The following PRR27 variants were observed in gnomAD, a reference collection of about 807,000 sequenced individuals.
PRR27 encodes the protein proline rich 27.
PRR27 carries 12 observed loss-of-function variants against 16.8 expected under a neutral mutation model. That is an observed-to-expected ratio of 0.71 (90% CI 0.46 to 1.16). The LOEUF (loss-of-function observed/expected upper bound fraction) is 1.16. Ranked by LOEUF, PRR27 falls within the 50% of genes most tolerant of loss-of-function variation. The probability of loss-of-function intolerance (pLI) is 0.00; values close to 1 mark genes in which losing one functional copy is unlikely to be tolerated. For missense variants in PRR27, 277 were observed against 273.3 expected, an observed-to-expected ratio of 1.01 and a Z score of -0.10; for synonymous variants, 100 against 98.4, an observed-to-expected ratio of 1.02 and a Z score of -0.10.
At chr4:70,156,770 T>C (rs1360694267) in intron 2 of PRR27, among the ~76,000 whole-genome samples, 1 of 152,242 alleles carries the variant, frequency 6.6e-6, no homozygotes, top group Non-Finnish European at 1.5e-5. Flanking sequence ...TAATCTGTGA[T>C]GTGCACACTT....
chr4:70,156,098 C>A, intron 2 of PRR27, 21 bp downstream of exon 2: 1 of 1,328,762 alleles, frequency 7.5e-7, no homozygotes, highest in South Asian at 1.5e-5. Flanking sequence ...TTTTTCTTTA[C>A]ACGCAAGTAT....
intron 4 of PRR27, among the ~76,000 whole-genome samples, chr4:70,161,911 G>GT (rs1728657596): frequency 6.6e-6 from 1 of 152,124 alleles, no homozygotes; most frequent in Admixed American, 6.6e-5. Flanking sequence ...GTTAATATAG[G>GT]TAAAAACCTT....
At position 70,164,512 on chromosome 4, in the gene PRR27, G is replaced by A. The variant is rs932183925; in HGVS notation, c.*1851G>A. ...GAGATGTTTGCTTCCATCTTCTAGA[G>A]CCAAGTAGGATCTAACTTTAATTTG... is the stretch of plus-strand genomic sequence containing the variant. On this transcript the variant is annotated 3_prime_UTR_variant, in exon 5 of 5. Transcript: ENST00000344526. 3.3e-5 allele frequency: 5 copies of A among 152,096 alleles called. No homozygotes were observed. Among genetic ancestry groups the A allele is most frequent in the African/African-American group, 4.8e-5 (2 of 41,406 alleles). The allele number at this position is 152,096 out of a possible 1,614,324, so 9.4% of individuals were successfully genotyped here.
At position 70,163,721 on chromosome 4, in the gene PRR27, A is replaced by G. The variant is rs75355256; in HGVS notation, c.*1060A>G. ...ACAATCAGATGTTAAACCAAACATT[A>G]TTCAGATAAGATCTCTGAAAAGCCT... On this transcript the variant is annotated 3_prime_UTR_variant, in exon 5 of 5. Coordinates refer to ENST00000344526, the MANE Select transcript of PRR27 (RefSeq NM_214711.4). The G allele has an allele frequency of 6.6e-6, 1 of 152,278 alleles. No homozygotes were observed. The highest frequency in any genetic ancestry group is 6.5e-5 in the Admixed American group (1 of 15,282). 9.4% of individuals were successfully genotyped at this position (152,278 alleles called of 1,614,324 possible). A position where few individuals can be genotyped will look rare whatever the true frequency, so the allele number is the denominator to read the frequency against.
At chr4:70,160,162 C>T (rs1303020900) in intron 3 of PRR27, among the ~76,000 whole-genome samples, 1 of 151,958 alleles carries the variant, frequency 6.6e-6, no homozygotes, top group African/African-American at 2.4e-5. Flanking sequence ...AGCACACTAC[C>T]CAAGAGGTAG....
intron 4 of PRR27, among the ~76,000 whole-genome samples, chr4:70,162,105 A>G (rs914445347): frequency 6.6e-6 from 1 of 152,176 alleles, no homozygotes; most frequent in African/African-American, 2.4e-5. Context: ...AAAGGCACAA[A>G]CAAACAGCTC....
intron 2 of PRR27, among the ~76,000 whole-genome samples, 166 bp from the exon 3 acceptor site, chr4:70,158,162 T>TTAC (rs1728534175): frequency 6.6e-6 from 1 of 152,190 alleles, no homozygotes; most frequent in African/African-American, 2.4e-5. Flanking sequence ...TAAGAGATTA[T>TTAC]TACTTCTTAC....
Position 70,160,435 on chromosome 4 carries a change from C to CTGTGTGTGTGTGTG in PRR27, c.649-1150_649-1149insGTGTGTGTGTGTGT, listed in dbSNP as rs1182486828. On this transcript the variant is annotated intron_variant, in intron 3 of 4. Coordinates refer to ENST00000344526, the MANE Select transcript of PRR27 (RefSeq NM_214711.4). ...TCTCTCTCTCTCTCTCTCTCTCTCT[C>CTGTGTGTGTGTGTG]TCTCTCTCTGTGTGTGTGTGTGTGT... 8.1e-4 allele frequency among the ~76,000 whole-genome samples: 26 copies of CTGTGTGTGTGTGTG among 32,088 alleles called. No homozygotes were observed. The South Asian group carries it at 0.021, about 27-fold the overall frequency. 21.1% of individuals were successfully genotyped at this position (32,088 alleles called of 152,430 possible).
intron 3 of PRR27, among the ~76,000 whole-genome samples, chr4:70,160,793 T>C (rs1168953514): frequency 1.3e-5 from 2 of 151,734 alleles, no homozygotes; most frequent in African/African-American, 4.8e-5. Flanking sequence ...TTAGTAGATA[T>C]GACCCAAGGA....
In PRR27 at chr4:70,160,443, C is replaced by CTCTCTGTGTG. The variant is rs1298386504; in HGVS notation, c.649-1142_649-1141insCTCTGTGTGT. On this transcript the variant is annotated intron_variant, in intron 3 of 4. Coordinates refer to ENST00000344526, the MANE Select transcript of PRR27 (RefSeq NM_214711.4). The stretch of plus-strand genomic sequence containing the variant: ...TCTCTCTCTCTCTCTCTCTCTCTCT[C>CTCTCTGTGTG]TGTGTGTGTGTGTGTGTGTGTGTGT... Among the ~76,000 whole-genome samples the CTCTCTGTGTG allele has an allele frequency of 9.9e-3, 677 of 68,690 alleles. 5 individuals carry two copies. Among genetic ancestry groups the CTCTCTGTGTG allele is most frequent in the Middle Eastern group, 0.028 (2 of 72 alleles). The allele number at this position is 68,690 out of a possible 152,430, so 45.1% of individuals were successfully genotyped here.
At position 70,166,137 on chromosome 4, in the gene PRR27, T is replaced by C. The variant is rs1169618548; in HGVS notation, c.*3476T>C. 2 of 152,134 alleles carry C rather than the reference T, an allele frequency of 1.3e-5. No individual in the cohort carries two copies. Among genetic ancestry groups the C allele is most frequent in the African/African-American group, 4.8e-5 (2 of 41,452 alleles). The allele number at this position is 152,134 out of a possible 1,614,324, so 9.4% of individuals were successfully genotyped here. ...CTCAACATTTATATTTCTGAGACTT[T>C]TCACATTTTTGAATGTATTCATAGT... On this transcript the variant is annotated 3_prime_UTR_variant, in exon 5 of 5. Coordinates refer to ENST00000344526, the MANE Select transcript of PRR27 (RefSeq NM_214711.4).
intron 1 of PRR27, among the ~76,000 whole-genome samples, chr4:70,155,722 A>G (rs1298631426): frequency 1.3e-5 from 2 of 151,800 alleles, no homozygotes; most frequent in African/African-American, 4.9e-5. Flanking sequence ...CACACCAGAC[A>G]AAACCTGGGA....
chr4:70,154,817 A>C, intron 1 of PRR27: 1 of 1,255,490 alleles, frequency 8.0e-7, no homozygotes, highest in South Asian at 1.2e-5. Flanking sequence ...CATTAGGGAT[A>C]CTTGATGGAA....
Position 70,161,572 on chromosome 4 carries a change from T to G in PRR27, c.649-14T>G. 6.7e-7 allele frequency: 1 copy of G among 1,502,536 alleles called. No homozygotes were observed. The allele number at this position is 1,502,536 out of a possible 1,614,324, so 93.1% of individuals were successfully genotyped here. A position where few individuals can be genotyped will look rare whatever the true frequency, so the allele number is the denominator to read the frequency against. On this transcript the variant is annotated splice_polypyrimidine_tract_variant and intron_variant, in intron 3 of 4. Transcript: ENST00000344526. ...GATTGTTTATGAAAAGATCTTTTTT[T>G]TAATGTTTTCTAGGCAAATCAGTGA...
chr4:70,163,653 C>T lies in PRR27; in HGVS notation c.*992C>T, dbSNP rs554905341. 1 of 152,322 alleles carries T rather than the reference C, an allele frequency of 6.6e-6. No homozygotes were observed. Among genetic ancestry groups the T allele is most frequent in the South Asian group, 2.1e-4 (1 of 4,826 alleles). The allele number at this position is 152,322 out of a possible 1,614,324, so 9.4% of individuals were successfully genotyped here. ...CAGTCTACCTGCTTCCACTTTTCCT[C>T]CACCCTGATCACATACACACATGCA... On this transcript the variant is annotated 3_prime_UTR_variant, in exon 5 of 5. Transcript: ENST00000344526.
chr4:70,160,409 TTCTCTCTCTC>T (rs149182032), intron 3 of PRR27, among the ~76,000 whole-genome samples: 2 of 106,100 alleles, frequency 1.9e-5, no homozygotes, highest in African/African-American at 3.8e-5. Context: ...TTCTGGGACT[TTCTCTCTCTC>T]TCTCTCTCTC....
chr4:70,154,444 C>T lies in PRR27; in HGVS notation c.51+18C>T. 2 of 1,592,566 alleles carry T rather than the reference C, an allele frequency of 1.3e-6. No homozygotes were observed. Among genetic ancestry groups the T allele is most frequent in the Non-Finnish European group, 1.7e-6 (2 of 1,160,822 alleles). On this transcript the variant is annotated intron_variant, in intron 1 of 4. Coordinates refer to ENST00000344526, the MANE Select transcript of PRR27 (RefSeq NM_214711.4). ...CAAGGAAGGTAAGTAAATGGACTTC[C>T]AAAATTGTAACAATTGTATAACCAT...
chr4:70,154,463 T>G, intron 1 of PRR27, 37 bp downstream of exon 1: 8 of 1,504,568 alleles, frequency 5.3e-6, no homozygotes, highest in Non-Finnish European at 7.4e-6. Flanking sequence ...AACAATTGTA[T>G]AACCATTTGC....
At position 70,160,186 on chromosome 4, in the gene PRR27, C is replaced by G. The variant is rs76803430; in HGVS notation, c.648+1286C>G. ...CCCAAGAGGTAGTTTTATAACCCAG[C>G]CCTAACCACCACCTTCTAGTAGGCC... On this transcript the variant is annotated intron_variant, in intron 3 of 4. Transcript: ENST00000344526. Among the ~76,000 whole-genome samples, 135 of 152,204 alleles carry G rather than the reference C, an allele frequency of 8.9e-4. No homozygotes were observed. The East Asian group carries it at 0.024, about 27-fold the overall frequency.
Sources: allele counts gnomAD v4.1 joint callset (sites outside exome capture counted in the v4.1 genomes callset), GRCh38; gene constraint gnomAD v4.1.1; transcripts MANE v1.5; gene names NCBI Gene and HGNC (gene_info 2026-07-23, HGNC 2026-07-21).